NRXN3: variants seen among roughly 807,000 people sequenced by gnomAD.
NRXN3 encodes neurexin 3, also known as neurexin III.
NRXN3 carries 32 observed loss-of-function variants against 137.6 expected under a neutral mutation model. The observed-to-expected ratio is 0.23, with a 90% CI of 0.18 to 0.31. The LOEUF is 0.31. Among genes scored for constraint, NRXN3 ranks in the 10% least tolerant of loss-of-function variants. NRXN3 has a pLI of 1.00. For missense variants in NRXN3, 1,574 were observed against 2,062.5 expected, an observed-to-expected ratio of 0.76 and a Z score of 4.59; for synonymous variants, 798 against 784.5, an observed-to-expected ratio of 1.02 and a Z score of -0.29.
At chr14:79,353,455 C>A (rs1480106376) in intron 15 of NRXN3, among the ~76,000 whole-genome samples, 1 of 151,974 alleles carries the variant, frequency 6.6e-6, no homozygotes, top group Non-Finnish European at 1.5e-5. Flanking sequence ...CACAATGGTC[C>A]TGTACAGTAA....
At chr14:79,123,790 A>G (rs946187855) in intron 15 of NRXN3, among the ~76,000 whole-genome samples, 1 of 152,232 alleles carries the variant, frequency 6.6e-6, no homozygotes, top group African/African-American at 2.4e-5. Flanking sequence ...AGTACTGTAT[A>G]CATGAATAAG....
At chr14:79,399,008 C>CAAA (rs34172134) in intron 15 of NRXN3, among the ~76,000 whole-genome samples, 2,754 of 75,302 alleles carry the variant, frequency 0.037, 142 homozygotes, top group Non-Finnish European at 0.044. Flanking sequence ...GACTCCATCT[C>CAAA]AAAAAAAAAA....
chr14:79,242,639 G>A (rs531670932), intron 15 of NRXN3, among the ~76,000 whole-genome samples: 23 of 152,160 alleles, frequency 1.5e-4, no homozygotes, highest in African/African-American at 5.3e-4. Context: ...TGTACTAATG[G>A]CATCTGCTCT....
At chr14:78,555,926 A>C (rs1043096484) in intron 4 of NRXN3, among the ~76,000 whole-genome samples, 2 of 152,232 alleles carry the variant, frequency 1.3e-5, no homozygotes, top group African/African-American at 4.8e-5. Context: ...TAACAAAATG[A>C]ATAATGCAGG....
intron 16 of NRXN3, among the ~76,000 whole-genome samples, chr14:79,495,209 C>T (rs1423846574): frequency 6.6e-6 from 1 of 152,180 alleles, no homozygotes; most frequent in Non-Finnish European, 1.5e-5. Context: ...ATTGATTCTG[C>T]TTTGTTACCA....
At chr14:79,414,582 G>A (rs1201603757) in intron 15 of NRXN3, among the ~76,000 whole-genome samples, 2 of 151,946 alleles carry the variant, frequency 1.3e-5, no homozygotes, top group African/African-American at 2.4e-5. Flanking sequence ...TATAATTGAC[G>A]AATAATATCA....
At chr14:79,055,157 C>T (rs2099655686) in intron 15 of NRXN3, among the ~76,000 whole-genome samples, 1 of 152,160 alleles carries the variant, frequency 6.6e-6, no homozygotes, top group African/African-American at 2.4e-5. Context: ...TTCCATTCCA[C>T]CAAATCGGAA....
intron 16 of NRXN3, among the ~76,000 whole-genome samples, chr14:79,560,606 G>A (rs1209984272): frequency 7.1e-6 from 1 of 140,878 alleles, no homozygotes; most frequent in Non-Finnish European, 1.5e-5. Flanking sequence ...CGCCTCTTGG[G>A]TTGAAGCCAT....
intron 15 of NRXN3, among the ~76,000 whole-genome samples, chr14:79,248,319 A>G (rs1463445563): frequency 6.6e-6 from 1 of 151,952 alleles, no homozygotes; most frequent in Non-Finnish European, 1.5e-5. Flanking sequence ...ATGACTTACA[A>G]TTTCCCACAA....
intron 20 of NRXN3, among the ~76,000 whole-genome samples, chr14:79,820,512 G>C (rs2099268412): frequency 6.6e-6 from 1 of 152,086 alleles, no homozygotes; most frequent in Non-Finnish European, 1.5e-5. Flanking sequence ...AGAAGTTTTT[G>C]TTTCTAACTT....
chr14:79,068,657 C>G (rs937650), intron 15 of NRXN3, among the ~76,000 whole-genome samples: 150,888 of 152,254 alleles, frequency 0.99, 74,791 homozygotes, highest in Middle Eastern at 1. Flanking sequence ...TTGTGAGTTT[C>G]TTTTATTTAT....
chr14:79,783,927 C>T (rs1041638315), intron 19 of NRXN3, among the ~76,000 whole-genome samples: 1 of 152,130 alleles, frequency 6.6e-6, no homozygotes, highest in African/African-American at 2.4e-5. Context: ...TGTTTGGGTG[C>T]TGTGAGTCTT....
At chr14:78,314,880 T>C (rs79008794) in intron 4 of NRXN3, among the ~76,000 whole-genome samples, 9,513 of 81,214 alleles carry the variant, frequency 0.12, 616 homozygotes, top group Middle Eastern at 0.15. Flanking sequence ...TCTTTTCCGT[T>C]CTTTCTTTCT....
At chr14:78,673,231 T>C (rs1450053055) in intron 6 of NRXN3, among the ~76,000 whole-genome samples, 1 of 152,132 alleles carries the variant, frequency 6.6e-6, no homozygotes, top group Non-Finnish European at 1.5e-5. Context: ...ACCCCATGAG[T>C]TGGGGGAATG....
intron 15 of NRXN3, among the ~76,000 whole-genome samples, chr14:78,999,604 C>T (rs1290375792): frequency 6.6e-6 from 1 of 152,144 alleles, no homozygotes; most frequent in African/African-American, 2.4e-5. Context: ...ATGAAATTTC[C>T]TTCTTCAGAT....
At chr14:79,349,772 G>A (rs1355109099) in intron 15 of NRXN3, among the ~76,000 whole-genome samples, 1 of 152,052 alleles carries the variant, frequency 6.6e-6, no homozygotes, top group East Asian at 1.9e-4. Flanking sequence ...TAATCTGATA[G>A]GACTAGTGTC....
Position 79,852,234 on chromosome 14 carries a change from A to AACACACACACACACACACAC in NRXN3, c.4094-9081_4094-9062dup, listed in dbSNP as rs45581833. 1.1e-3 allele frequency among the ~76,000 whole-genome samples: 142 copies of AACACACACACACACACACAC among 128,260 alleles called. 2 individuals are homozygous for AACACACACACACACACACAC. The highest frequency in any genetic ancestry group is 2.7e-3 in the African/African-American group (92 of 34,628). The allele number at this position is 128,260 out of a possible 152,430, so 84.1% of individuals were successfully genotyped here. A position where few individuals can be genotyped will look rare whatever the true frequency, so the allele number is the denominator to read the frequency against. On this transcript the variant is annotated intron_variant, in intron 20 of 20. Coordinates refer to ENST00000335750, the MANE Select transcript of NRXN3 (RefSeq NM_001330195.2). The stretch of plus-strand genomic sequence containing the variant: ...CAATACAGGTTCTAGTTCAACTCCC[A>AACACACACACACACACACAC]ACACACACACACACACACACACACA...
At chr14:78,567,045 G>T (rs901198752) in intron 4 of NRXN3, among the ~76,000 whole-genome samples, 3 of 152,134 alleles carry the variant, frequency 2.0e-5, no homozygotes, top group African/African-American at 7.2e-5. Flanking sequence ...ATGATGTATG[G>T]AGACTCCACC....
intron 4 of NRXN3, among the ~76,000 whole-genome samples, chr14:78,388,772 C>T (rs868439575): frequency 1.3e-5 from 2 of 152,240 alleles, no homozygotes; most frequent in Middle Eastern, 6.8e-3. Flanking sequence ...GAAATAAACC[C>T]TACTGCATTT....
Sources: allele counts gnomAD v4.1 joint callset (sites outside exome capture counted in the v4.1 genomes callset), GRCh38; gene constraint gnomAD v4.1.1; transcripts MANE v1.5; gene names NCBI Gene and HGNC (gene_info 2026-07-23, HGNC 2026-07-21).